Variants in CNTNAP2 observed in about 807,000 individuals in gnomAD.
CNTNAP2 encodes the protein contactin associated protein 2.
Under a neutral mutation model 155.2 loss-of-function variants are expected in CNTNAP2, and 98 were observed. That is an observed-to-expected ratio of 0.63 (90% CI 0.54 to 0.75). CNTNAP2 has a LOEUF of 0.75. Among genes scored for constraint, CNTNAP2 ranks in the 30% least tolerant of loss-of-function variants. The pLI is 0.00. For missense variants in CNTNAP2, 1,727 were observed against 1,688.1 expected, an observed-to-expected ratio of 1.02 and a Z score of -0.40; for synonymous variants, 651 against 631.2, an observed-to-expected ratio of 1.03 and a Z score of -0.47.
chr7:146,598,052 A>T (rs1269236920), intron 1 of CNTNAP2, among the ~76,000 whole-genome samples: 1 of 151,984 alleles, frequency 6.6e-6, no homozygotes, highest in Non-Finnish European at 1.5e-5. Context: ...ACCTCAGCTC[A>T]CACCAAATCC....
intron 1 of CNTNAP2, among the ~76,000 whole-genome samples, chr7:146,740,266 G>A (rs1490811818): frequency 7.0e-6 from 1 of 143,766 alleles, no homozygotes; most frequent in Non-Finnish European, 1.5e-5. Context: ...GTCTTTCATT[G>A]TATTTTTCAG....
intron 3 of CNTNAP2, among the ~76,000 whole-genome samples, chr7:146,860,217 T>C (rs1237065173): frequency 1.3e-5 from 2 of 152,062 alleles, no homozygotes; most frequent in Non-Finnish European, 2.9e-5. Flanking sequence ...AATATAAAGG[T>C]GTGATTATGC....
chr7:146,412,775 A>T (rs774182975), intron 1 of CNTNAP2, among the ~76,000 whole-genome samples: 3 of 152,220 alleles, frequency 2.0e-5, no homozygotes, highest in African/African-American at 7.2e-5. Flanking sequence ...GGCAGTTTAG[A>T]AAGCTGGCAA....
At chr7:147,948,192 A>G (rs982948102) in intron 14 of CNTNAP2, among the ~76,000 whole-genome samples, 1 of 151,522 alleles carries the variant, frequency 6.6e-6, no homozygotes, top group African/African-American at 2.4e-5. Context: ...GGAGGGGGGC[A>G]TGGTTAATGA....
intron 8 of CNTNAP2, among the ~76,000 whole-genome samples, chr7:147,160,014 TATA>T (rs1223010886): frequency 6.6e-6 from 1 of 151,992 alleles, no homozygotes; most frequent in Admixed American, 6.6e-5. Flanking sequence ...GTTGAGAAAA[TATA>T]ATTGGTAAGA....
chr7:147,663,465 T>C (rs1795647700), intron 13 of CNTNAP2, among the ~76,000 whole-genome samples: 1 of 152,248 alleles, frequency 6.6e-6, no homozygotes, highest in South Asian at 2.1e-4. Flanking sequence ...TTTGGATAAG[T>C]AGAATTGGTC....
chr7:147,985,407 CT>C (rs34093586), intron 15 of CNTNAP2, among the ~76,000 whole-genome samples: 2,237 of 108,008 alleles, frequency 0.021, 54 homozygotes, highest in African/African-American at 0.078. Flanking sequence ...TATGTTTTTA[CT>C]TTTTTTTTTT....
intron 15 of CNTNAP2, among the ~76,000 whole-genome samples, chr7:148,002,667 T>C (rs1365027352): frequency 6.6e-6 from 1 of 152,080 alleles, no homozygotes; most frequent in African/African-American, 2.4e-5. Context: ...AGAAAATACA[T>C]TATTTTAGGT....
At chr7:146,721,358 A>G (rs1486675499) in intron 1 of CNTNAP2, among the ~76,000 whole-genome samples, 1 of 130,534 alleles carries the variant, frequency 7.7e-6, no homozygotes, top group Non-Finnish European at 1.5e-5. Flanking sequence ...TATACATTCT[A>G]TATACATTCT....
intron 20 of CNTNAP2, among the ~76,000 whole-genome samples, chr7:148,233,833 G>A (rs1039224548): frequency 2.0e-5 from 3 of 152,188 alleles, no homozygotes; most frequent in Admixed American, 2.0e-4. Flanking sequence ...GAGCTTGGTG[G>A]GAGGTGATTG....
intron 13 of CNTNAP2, among the ~76,000 whole-genome samples, chr7:147,867,570 T>C (rs544672754): frequency 9.2e-5 from 14 of 152,198 alleles, no homozygotes; most frequent in South Asian, 2.1e-4. Context: ...TTCTCCCCAT[T>C]ACTTTTAGGT....
At chr7:148,165,151 T>C (rs1805628297) in intron 17 of CNTNAP2, among the ~76,000 whole-genome samples, 1 of 152,278 alleles carries the variant, frequency 6.6e-6, no homozygotes, top group Admixed American at 6.5e-5. Flanking sequence ...CCAAGATCAG[T>C]GTGTCCGTAG....
chr7:148,276,863 A>C (rs1796878589), intron 21 of CNTNAP2, among the ~76,000 whole-genome samples: 1 of 152,226 alleles, frequency 6.6e-6, no homozygotes, highest in Non-Finnish European at 1.5e-5. Context: ...GTAATGCACA[A>C]AGCAGCTCAC....
intron 1 of CNTNAP2, among the ~76,000 whole-genome samples, chr7:146,166,076 T>C (rs1252551229): frequency 6.6e-6 from 1 of 152,146 alleles, no homozygotes; most frequent in African/African-American, 2.4e-5. Context: ...CCCCCACCCC[T>C]GTTTTTTTGG....
chr7:147,532,127 A>G (rs989599893), intron 11 of CNTNAP2, among the ~76,000 whole-genome samples: 1 of 152,202 alleles, frequency 6.6e-6, no homozygotes, highest in South Asian at 2.1e-4. Flanking sequence ...TTTCTATCAC[A>G]TAGTCAGGCT....
At chr7:147,754,223 G>A (rs1047114881) in intron 13 of CNTNAP2, among the ~76,000 whole-genome samples, 1 of 152,106 alleles carries the variant, frequency 6.6e-6, no homozygotes, top group Non-Finnish European at 1.5e-5. Context: ...ACTCAAAAAA[G>A]GTTTTAAAAA....
chr7:146,662,373 T>C (rs1330381219), intron 1 of CNTNAP2, among the ~76,000 whole-genome samples: 2 of 152,102 alleles, frequency 1.3e-5, no homozygotes, highest in Non-Finnish European at 2.9e-5. Flanking sequence ...CGGACCTCAG[T>C]TGATCCGCCC....
intron 1 of CNTNAP2, among the ~76,000 whole-genome samples, chr7:146,710,573 G>C (rs1444648332): frequency 1.3e-5 from 2 of 152,062 alleles, no homozygotes; most frequent in African/African-American, 4.8e-5. Context: ...GCAATGAAGG[G>C]ATAGGCAGTA....
chr7:146,364,071 AC>A (rs1200419531), intron 1 of CNTNAP2, among the ~76,000 whole-genome samples: 1 of 152,106 alleles, frequency 6.6e-6, no homozygotes, highest in Admixed American at 6.5e-5. Flanking sequence ...AAGATCTAAT[AC>A]CGTTTGTAAG....
Sources: allele counts gnomAD v4.1 joint callset (sites outside exome capture counted in the v4.1 genomes callset), GRCh38; gene constraint gnomAD v4.1.1; transcripts MANE v1.5; gene names NCBI Gene and HGNC (gene_info 2026-07-23, HGNC 2026-07-21).